TMEM235: variants seen among roughly 807,000 people sequenced by gnomAD.
TMEM235 encodes claudin-27.
TMEM235 carries 23 observed loss-of-function variants against 22.9 expected under a neutral mutation model. The ratio of observed to expected loss-of-function variants is 1.00; its 90% CI spans 0.72 to 1.42. The LOEUF (loss-of-function observed/expected upper bound fraction) is 1.42. Among genes scored for constraint, TMEM235 ranks in the 40% most tolerant of loss-of-function variants. TMEM235 has a pLI of 0.00. For synonymous variants in TMEM235, 137 were observed against 140.5 expected, an observed-to-expected ratio of 0.98 and a Z score of 0.17; for missense variants, 308 against 299.5, an observed-to-expected ratio of 1.03 and a Z score of -0.21.
chr17:78,235,853 G>A (rs1030870853), intron 4 of TMEM235, among the ~76,000 whole-genome samples: 1 of 151,694 alleles, frequency 6.6e-6, no homozygotes, highest in Non-Finnish European at 1.5e-5. Context: ...CTCCTGCCTC[G>A]GCCTCCCAAA....
chr17:78,235,436 C>A (rs371548798), intron 4 of TMEM235, among the ~76,000 whole-genome samples: 3 of 149,936 alleles, frequency 2.0e-5, no homozygotes, highest in African/African-American at 7.4e-5. Context: ...TACAGGCATG[C>A]GCCACCACAC....
At position 78,237,513 on chromosome 17, in the gene TMEM235, C is replaced by A. The variant is rs1213711748; in HGVS notation, c.410-1511C>A. Among the ~76,000 whole-genome samples the A allele has an allele frequency of 1.3e-5, 2 of 152,110 alleles. No homozygotes were observed. Among genetic ancestry groups the A allele is most frequent in the Non-Finnish European group, 2.9e-5 (2 of 68,002 alleles). On this transcript the variant is annotated intron_variant, in intron 4 of 5. Coordinates refer to ENST00000421688, the Ensembl canonical transcript of TMEM235. The surrounding 1 kb of genome is among the most constrained non-coding windows in gnomAD (Gnocchi z 4.7). The stretch of plus-strand genomic sequence containing the variant: ...CCCAGTTTGGGAGCTTACTCTTCAC[C>A]TTCATTTTGGGAGAAAGGCCGTGTC...
At position 78,238,915 on chromosome 17, in the gene TMEM235, C is replaced by A; in HGVS notation, c.410-109C>A. ...GGGCGGTGTGCTGCCTGCAGCTCTGCCTGAATGCTAGCGGGGCCGGGGATG... is the reference window on the plus strand; with the variant it reads ...GGGCGGTGTGCTGCCTGCAGCTCTGACTGAATGCTAGCGGGGCCGGGGATG... On this transcript the variant is annotated intron_variant, in intron 4 of 5. Transcript: ENST00000421688. This position sits in a 1 kb window ranked among gnomAD's most constrained non-coding sequence, Gnocchi z 4.3. 6.9e-7 allele frequency: 1 copy of A among 1,444,166 alleles called. No individual in the cohort carries two copies. The highest frequency in any genetic ancestry group is 9.2e-7 in the Non-Finnish European group (1 of 1,090,774). 89.5% of individuals were successfully genotyped at this position (1,444,166 alleles called of 1,614,324 possible).
rs2076662505 is a variant in TMEM235, at chr17:78,237,958, A to G, written c.410-1066A>G. On this transcript the variant is annotated intron_variant, in intron 4 of 5. Coordinates refer to ENST00000421688, the Ensembl canonical transcript of TMEM235. The surrounding 1 kb of genome is among the most constrained non-coding windows in gnomAD (Gnocchi z 4.7). ...TTCACTGGGCACCAGTGAGATCCAGACCTGGCCCTGAATGTCAGCTTGGGT... is the reference window on the plus strand; with the variant it reads ...TTCACTGGGCACCAGTGAGATCCAGGCCTGGCCCTGAATGTCAGCTTGGGT... 6.6e-6 allele frequency among the ~76,000 whole-genome samples: 1 copy of G among 152,008 alleles called. No individual in the cohort carries two copies. The highest frequency in any genetic ancestry group is 2.1e-4 in the South Asian group (1 of 4,830).
chr17:78,238,399 G>A lies in TMEM235; in HGVS notation c.410-625G>A, dbSNP rs536413451. Among the ~76,000 whole-genome samples, 3 of 152,168 alleles carry A rather than the reference G, an allele frequency of 2.0e-5. No homozygotes were observed. Among genetic ancestry groups the A allele is most frequent in the South Asian group, 2.1e-4 (1 of 4,818 alleles). The stretch of plus-strand genomic sequence containing the variant: ...CTGAAACTCAGAGCTGGGAGGACAG[G>A]GGGGCTCTGGAAGGGGAGTCAGAGG... On this transcript the variant is annotated intron_variant, in intron 4 of 5. Transcript: ENST00000421688. The surrounding 1 kb of genome is among the most constrained non-coding windows in gnomAD (Gnocchi z 4.3).
intron 2 of TMEM235, among the ~76,000 whole-genome samples, chr17:78,233,474 G>A (rs953842393): frequency 6.6e-6 from 1 of 152,190 alleles, no homozygotes; most frequent in Admixed American, 6.5e-5. Context: ...TTGGGAGGCC[G>A]AGGCGGGTGG....
In TMEM235 at chr17:78,239,016, TC is replaced by T; in HGVS notation, c.410-3del. 6.5e-7 allele frequency: 1 copy of T among 1,535,300 alleles called. No homozygotes were observed. On this transcript the variant is annotated splice_region_variant and splice_polypyrimidine_tract_variant and intron_variant, in intron 4 of 5. Coordinates refer to ENST00000421688, the Ensembl canonical transcript of TMEM235. ...ACCGAGCAGCTGCCCTCCCCATCTC[TC>T]CCCCAGGTGTCCTGACACTGGCGGG...
intron 2 of TMEM235, among the ~76,000 whole-genome samples, chr17:78,233,631 C>G (rs367573871): frequency 1.3e-5 from 2 of 151,326 alleles, no homozygotes; most frequent in African/African-American, 4.9e-5. Flanking sequence ...GGAGGCGGAG[C>G]TTGCAGTGAA....
Position 78,233,976 on chromosome 17 carries a change from G to A in TMEM235, c.271+1G>A. ...TCCACCTCGGTGCAGCACCTCATCTGTGAGTCCTGGGTGGGGCCACCTCCC... is the reference window on the plus strand; with the variant it reads ...TCCACCTCGGTGCAGCACCTCATCTATGAGTCCTGGGTGGGGCCACCTCCC... On this transcript the variant is annotated splice_donor_variant, in intron 3 of 5. Transcript: ENST00000421688. LOFTEE classifies it high-confidence loss of function. 6.6e-7 allele frequency: 1 copy of A among 1,523,780 alleles called. No individual in the cohort carries two copies. Among genetic ancestry groups the A allele is most frequent in the Non-Finnish European group, 8.8e-7 (1 of 1,140,364 alleles). The allele number at this position is 1,523,780 out of a possible 1,614,324, so 94.4% of individuals were successfully genotyped here.
chr17:78,234,755 G>A, intron 4 of TMEM235, 25 bp downstream of exon 3: 1 of 1,535,920 alleles, frequency 6.5e-7, no homozygotes, highest in Non-Finnish European at 8.7e-7. Context: ...CTGGGGGAAT[G>A]GCTCCAAAGA....
chr17:78,233,818 G>A (rs1439373219), intron 2 of TMEM235, 77 bp from the exon 2 acceptor site: 6 of 1,374,682 alleles, frequency 4.4e-6, no homozygotes, highest in Non-Finnish European at 2.0e-6. Context: ...TGGTGCCAGG[G>A]GGTCCCCTGG....
rs550306851 is a variant in TMEM235 at position 78,239,658 on chromosome 17, C to T, written c.660-122C>T. 37 of 1,449,316 alleles carry T rather than the reference C, an allele frequency of 2.6e-5. No homozygotes were observed. In the South Asian group the frequency reaches 3.7e-4, roughly 15 times the overall value. 89.8% of individuals were successfully genotyped at this position (1,449,316 alleles called of 1,614,324 possible). ...CAGCAGGCTAGTGAGTCACTGCTGC[C>T]CCCATTCCTAAGGACCTGGGAGAAA... On this transcript the variant is annotated intron_variant, in intron 5 of 5. Transcript: ENST00000421688.
At chr17:78,234,506 CG>C in intron 3 of TMEM235, 86 bp from the exon 3 acceptor site, 1 of 1,510,966 alleles carries the variant, frequency 6.6e-7, no homozygotes, top group Non-Finnish European at 8.9e-7. Flanking sequence ...CCTGAGAAGA[CG>C]AAGCACCACG....
exon 5 of TMEM235, chr17:78,239,037 G>T: frequency 6.5e-7 from 1 of 1,540,958 alleles, no homozygotes. Flanking sequence ...TCCTGACACT[G>T]GCGGGGGTCA....
At chr17:78,234,045 C>A in intron 3 of TMEM235, 70 bp downstream of exon 2, 1 of 1,328,156 alleles carries the variant, frequency 7.5e-7, no homozygotes, top group South Asian at 1.4e-5. Flanking sequence ...CAGCCATCCC[C>A]ATCCCCATCC....
chr17:78,240,382 T>C (rs1189998453), exon 6 of TMEM235: 1 of 177,704 alleles, frequency 5.6e-6, no homozygotes, highest in Non-Finnish European at 1.2e-5. Flanking sequence ...AACCCCAGGT[T>C]GGGAGGGGCT....
chr17:78,240,143 G>C (rs1363963545), exon 6 of TMEM235: 1 of 1,151,504 alleles, frequency 8.7e-7, no homozygotes, highest in Admixed American at 3.2e-5. Flanking sequence ...CCCGGGGGAG[G>C]TATGCCACTG....
chr17:78,231,752 G>C (rs1032769405), exon 2 of TMEM235: 2 of 1,232,182 alleles, frequency 1.6e-6, no homozygotes, highest in African/African-American at 3.2e-5. Context: ...GCTGGGATTG[G>C]AGCCCAAGCC....
intron 4 of TMEM235, 120 bp downstream of exon 3, chr17:78,234,850 G>C: frequency 7.5e-7 from 1 of 1,329,722 alleles, no homozygotes; most frequent in Non-Finnish European, 1.0e-6. Flanking sequence ...CGGGTGCTGA[G>C]TCTGGCGATG....
Sources: gnomAD v4.1 joint callset for allele counts (sites outside exome capture counted in the v4.1 genomes callset) on GRCh38, gnomAD v4.1.1 for gene constraint, Gnocchi (gnomAD v3.1) non-coding constraint, MANE v1.5 for transcripts, NCBI Gene and HGNC (gene_info 2026-07-23, HGNC 2026-07-21) for gene names.